The following DEFB104B variants were observed in gnomAD, a reference collection of about 807,000 sequenced individuals.
The protein encoded by DEFB104B is defensin beta 104B.
rs1368265525 is a variant in DEFB104B at position 7,474,559 on chromosome 8, A to G, written c.58+452T>C. ...CTGACTTGATATGAAAAGTTGCAAA[A>G]TTTAGGAGGATGAGTAGGCGCCCTT... On this transcript the variant is annotated intron_variant, in intron 1 of 1. Coordinates refer to ENST00000316169, the MANE Select transcript of DEFB104B (RefSeq NM_001040702.1). Among the ~76,000 whole-genome samples, 2 of 141,214 alleles carry G rather than the reference A, an allele frequency of 1.4e-5. 1 individual carries two copies. Among genetic ancestry groups the G allele is most frequent in the Admixed American group, 1.4e-4 (2 of 14,150 alleles). The allele number at this position is 141,214 out of a possible 152,430, so 92.6% of individuals were successfully genotyped here. A position where few individuals can be genotyped will look rare whatever the true frequency, so the allele number is the denominator to read the frequency against.
chr8:7,472,419 T>C (rs1212349523), intron 1 of DEFB104B, among the ~76,000 whole-genome samples: 1 of 135,694 alleles, frequency 7.4e-6, no homozygotes, highest in Non-Finnish European at 1.6e-5. Flanking sequence ...AGAAGGAAAG[T>C]GACTAATCTG....
intron 1 of DEFB104B, among the ~76,000 whole-genome samples, chr8:7,474,158 A>G (rs1402877664): frequency 7.0e-5 from 10 of 141,992 alleles, no homozygotes; most frequent in African/African-American, 2.6e-4. Context: ...GGTGTCTGTC[A>G]AAGCCCCATA....
chr8:7,471,187 T>C (rs1810929962), intron 1 of DEFB104B, among the ~76,000 whole-genome samples: 4 of 145,608 alleles, frequency 2.7e-5, no homozygotes, highest in Admixed American at 2.1e-4. Context: ...TATACACATA[T>C]ATAGAGAGAG....
At chr8:7,471,179 T>C (rs1235090981) in intron 1 of DEFB104B, among the ~76,000 whole-genome samples, 9 of 147,138 alleles carry the variant, frequency 6.1e-5, no homozygotes, top group Non-Finnish European at 1.4e-4. Flanking sequence ...TATATATATA[T>C]ACACATATAT....
At chr8:7,474,254 T>C (rs1478800121) in intron 1 of DEFB104B, among the ~76,000 whole-genome samples, 6 of 145,674 alleles carry the variant, frequency 4.1e-5, no homozygotes, top group African/African-American at 1.3e-4. Context: ...GCTAGACTTG[T>C]TAAGCAACTC....
intron 1 of DEFB104B, among the ~76,000 whole-genome samples, chr8:7,474,718 C>G (rs1177236858): frequency 1.4e-5 from 2 of 139,716 alleles, no homozygotes; most frequent in Non-Finnish European, 3.2e-5. Context: ...GCTGAGGATT[C>G]CATGAGGAAT....
intron 1 of DEFB104B, among the ~76,000 whole-genome samples, chr8:7,472,617 A>G (rs867223201): frequency 7.9e-6 from 1 of 127,380 alleles, no homozygotes; most frequent in Non-Finnish European, 1.6e-5. Flanking sequence ...TTGCATAAGC[A>G]ATTTTCCTCC....
In DEFB104B at chr8:7,472,969, G is replaced by A. The variant is rs914637651; in HGVS notation, c.58+2042C>T. Among the ~76,000 whole-genome samples the A allele has an allele frequency of 3.5e-4, 36 of 104,248 alleles. 1 individual carries two copies. Among genetic ancestry groups the A allele is most frequent in the African/African-American group, 3.7e-5 (1 of 26,694 alleles). 68.4% of individuals were successfully genotyped at this position (104,248 alleles called of 152,430 possible). On this transcript the variant is annotated intron_variant, in intron 1 of 1. Transcript: ENST00000316169. ...CCTCTTGGGTTCAAGCGATTCTCCT[G>A]CCTCCGCCTCCTGAGCAGCTGGAAT...
chr8:7,474,524 T>C (rs2739969), intron 1 of DEFB104B, among the ~76,000 whole-genome samples: 4,301 of 131,722 alleles, frequency 0.033, 334 homozygotes, highest in Admixed American at 0.065. Context: ...TCCCCTTTAA[T>C]CCTAATCATC....
Position 7,472,819 on chromosome 8 carries a change from C to T in DEFB104B, c.58+2192G>A, listed in dbSNP as rs559396232. ...GGGAGACATAATACATCAATCAATA[C>T]GTGTAAGATTTGCTTTGTTTTTTTT... On this transcript the variant is annotated intron_variant, in intron 1 of 1. Coordinates refer to ENST00000316169, the MANE Select transcript of DEFB104B (RefSeq NM_001040702.1). Among the ~76,000 whole-genome samples the T allele has an allele frequency of 3.3e-4, 45 of 134,554 alleles. 4 individuals are homozygous for T. Among genetic ancestry groups the T allele is most frequent in the South Asian group, 2.4e-3 (9 of 3,820 alleles). The allele number at this position is 134,554 out of a possible 152,430, so 88.3% of individuals were successfully genotyped here. A position where few individuals can be genotyped will look rare whatever the true frequency, so the allele number is the denominator to read the frequency against.
intron 1 of DEFB104B, among the ~76,000 whole-genome samples, chr8:7,472,217 G>A (rs2128877924): frequency 7.2e-6 from 1 of 139,642 alleles, no homozygotes; most frequent in South Asian, 2.3e-4. Context: ...ACATATCTGT[G>A]GCAGGTCGCT....
chr8:7,474,864 G>A (rs1811072062), intron 1 of DEFB104B, 147 bp downstream of exon 1: 1 of 515,596 alleles, frequency 1.9e-6, no homozygotes, highest in Non-Finnish European at 3.5e-6. Flanking sequence ...TTTTACTAAT[G>A]GACCCAATGA....
rs573043789 is a variant in DEFB104B at position 7,474,697 on chromosome 8, G to A, written c.58+314C>T. Among the ~76,000 whole-genome samples the A allele has an allele frequency of 1.8e-4, 26 of 140,854 alleles. 1 individual carries two copies. In the South Asian group the frequency reaches 5.1e-3, roughly 28 times the overall value. 92.4% of individuals were successfully genotyped at this position (140,854 alleles called of 152,430 possible). ...CTGCAATGGAACAAGCATGGCTAGT[G>A]AGTCCTCACTGCTGAGGATTCCATG... On this transcript the variant is annotated intron_variant, in intron 1 of 1. Coordinates refer to ENST00000316169, the MANE Select transcript of DEFB104B (RefSeq NM_001040702.1).
At position 7,472,836 on chromosome 8, in the gene DEFB104B, G is replaced by T. The variant is rs1275829967; in HGVS notation, c.58+2175C>A. Among the ~76,000 whole-genome samples, 16 of 130,490 alleles carry T rather than the reference G, an allele frequency of 1.2e-4. 3 individuals are homozygous for T. The East Asian group carries it at 1.7e-3, about 14-fold the overall frequency. 85.6% of individuals were successfully genotyped at this position (130,490 alleles called of 152,430 possible). A position where few individuals can be genotyped will look rare whatever the true frequency, so the allele number is the denominator to read the frequency against. On this transcript the variant is annotated intron_variant, in intron 1 of 1. Coordinates refer to ENST00000316169, the MANE Select transcript of DEFB104B (RefSeq NM_001040702.1). ...AATCAATACGTGTAAGATTTGCTTT[G>T]TTTTTTTTGTTTGTTTGTTTGTTTG... is the stretch of plus-strand genomic sequence containing the variant.
chr8:7,473,168 G>T (rs1811013050), intron 1 of DEFB104B, among the ~76,000 whole-genome samples: 1 of 105,574 alleles, frequency 9.5e-6, no homozygotes, highest in Admixed American at 1.2e-4. Context: ...ATTTACATTG[G>T]TTTGGTCCAG....
chr8:7,472,686 G>T (rs1253391245), intron 1 of DEFB104B, among the ~76,000 whole-genome samples: 4 of 129,876 alleles, frequency 3.1e-5, no homozygotes, highest in African/African-American at 1.2e-4. Context: ...AATGTAGAAA[G>T]TTTATTTTGT....
intron 1 of DEFB104B, among the ~76,000 whole-genome samples, chr8:7,474,609 A>G (rs1334778985): frequency 1.4e-5 from 2 of 141,188 alleles, no homozygotes; most frequent in Non-Finnish European, 3.2e-5. Context: ...AGCTGTTCAG[A>G]AGGAGGAGGA....
chr8:7,474,404 G>A (rs1811059440), intron 1 of DEFB104B, among the ~76,000 whole-genome samples: 2 of 143,066 alleles, frequency 1.4e-5, no homozygotes, highest in African/African-American at 2.6e-5. Context: ...ATTAACGTAG[G>A]AGTCAGAAGA....
At chr8:7,471,024 C>T (rs1437397927) in intron 1 of DEFB104B, among the ~76,000 whole-genome samples, 1 of 151,676 alleles carries the variant, frequency 6.6e-6, no homozygotes, top group Non-Finnish European at 1.5e-5. Context: ...TATGTCTCAA[C>T]CTTAAGTTCC....
Sources: gnomAD v4.1 joint callset for allele counts (sites outside exome capture counted in the v4.1 genomes callset) on GRCh38, gnomAD v4.1.1 for gene constraint, MANE v1.5 for transcripts, NCBI Gene and HGNC (gene_info 2026-07-23, HGNC 2026-07-21) for gene names.